The following PAMR1 variants were observed in gnomAD, a reference collection of about 807,000 sequenced individuals.
The protein encoded by PAMR1 is peptidase domain containing associated with muscle regeneration 1.
In PAMR1, 88 loss-of-function variants were observed where a neutral mutation model predicts 81.8. That is an observed-to-expected ratio of 1.08 (90% CI 0.91 to 1.28). The LOEUF (loss-of-function observed/expected upper bound fraction) is 1.28. PAMR1 is among the 50% of genes most tolerant of loss of function. PAMR1 has a pLI of 0.00. For synonymous variants in PAMR1, 336 were observed against 345.3 expected, an observed-to-expected ratio of 0.97 and a Z score of 0.30; for missense variants, 935 against 919.7, an observed-to-expected ratio of 1.02 and a Z score of -0.21.
intron 3 of PAMR1, among the ~76,000 whole-genome samples, chr11:35,477,658 C>G (rs555119623): frequency 6.6e-6 from 1 of 152,300 alleles, no homozygotes; most frequent in East Asian, 1.9e-4. Context: ...GCATGGCAAA[C>G]TCTTAGCAGG....
chr11:35,438,162 A>G (rs148620183), intron 8 of PAMR1, among the ~76,000 whole-genome samples: 1 of 152,348 alleles, frequency 6.6e-6, no homozygotes, highest in African/African-American at 2.4e-5. Context: ...GAAGCCAGAT[A>G]CTGAATTTAC....
At chr11:35,525,378 C>T (rs1851366300) in intron 1 of PAMR1, 135 bp downstream of exon 1, 2 of 674,618 alleles carry the variant, frequency 3.0e-6, no homozygotes, top group South Asian at 3.8e-5. Context: ...AGCACCACCC[C>T]CCCTCAACCC....
At chr11:35,485,506 C>T (rs1372777472) in intron 3 of PAMR1, among the ~76,000 whole-genome samples, 5 of 152,110 alleles carry the variant, frequency 3.3e-5, no homozygotes, top group Admixed American at 6.5e-5. Context: ...CTTTCCTGGG[C>T]AGAAAGATGT....
chr11:35,461,298 A>C (rs1017330051), intron 6 of PAMR1, among the ~76,000 whole-genome samples: 1 of 152,148 alleles, frequency 6.6e-6, no homozygotes, highest in African/African-American at 2.4e-5. Flanking sequence ...CCCTTTCAAC[A>C]CTGATGGGTG....
chr11:35,468,921 G>A (rs981345654), intron 5 of PAMR1, among the ~76,000 whole-genome samples: 1 of 152,082 alleles, frequency 6.6e-6, no homozygotes, highest in Non-Finnish European at 1.5e-5. Context: ...AACCTGTCTT[G>A]AGTACTTGCT....
intron 6 of PAMR1, among the ~76,000 whole-genome samples, chr11:35,443,040 T>C (rs1856210345): frequency 6.6e-6 from 1 of 152,182 alleles, no homozygotes; most frequent in Admixed American, 6.5e-5. Context: ...AGGCATTGAT[T>C]ATAATATCCA....
intron 4 of PAMR1, among the ~76,000 whole-genome samples, chr11:35,473,088 G>T (rs1341628672): frequency 6.6e-6 from 1 of 152,182 alleles, no homozygotes; most frequent in African/African-American, 2.4e-5. Context: ...ACAGAGAGCT[G>T]TGGATGGACT....
intron 3 of PAMR1, among the ~76,000 whole-genome samples, chr11:35,477,191 T>C (rs1565343824): frequency 6.6e-6 from 1 of 152,218 alleles, no homozygotes; most frequent in Non-Finnish European, 1.5e-5. Context: ...TCTCACTTAC[T>C]TGCCTACTCC....
At chr11:35,514,685 T>C (rs950051684) in intron 1 of PAMR1, among the ~76,000 whole-genome samples, 1 of 152,204 alleles carries the variant, frequency 6.6e-6, no homozygotes, top group Non-Finnish European at 1.5e-5. Flanking sequence ...AATTGAATAA[T>C]GCATCTAAAA....
chr11:35,461,123 A>G (rs1217732397), intron 6 of PAMR1, among the ~76,000 whole-genome samples: 1 of 152,186 alleles, frequency 6.6e-6, no homozygotes, highest in African/African-American at 2.4e-5. Context: ...CCCAGTTCTA[A>G]TGAATTACCT....
At chr11:35,451,454 A>C (rs1321079638) in intron 6 of PAMR1, among the ~76,000 whole-genome samples, 1 of 152,230 alleles carries the variant, frequency 6.6e-6, no homozygotes, top group Non-Finnish European at 1.5e-5. Context: ...TCTGAAATCA[A>C]ATCACATGTG....
At chr11:35,484,396 A>G (rs918352443) in intron 3 of PAMR1, among the ~76,000 whole-genome samples, 2 of 152,192 alleles carry the variant, frequency 1.3e-5, no homozygotes, top group African/African-American at 2.4e-5. Flanking sequence ...TCAGGACACA[A>G]AAGTCTGGAG....
chr11:35,442,791 T>C (rs912523909), intron 6 of PAMR1, among the ~76,000 whole-genome samples: 1 of 151,954 alleles, frequency 6.6e-6, no homozygotes, highest in Non-Finnish European at 1.5e-5. Flanking sequence ...TTAGTAGAGA[T>C]GGGGTTTCAC....
At chr11:35,478,214 C>T (rs1850317809) in intron 3 of PAMR1, among the ~76,000 whole-genome samples, 1 of 152,160 alleles carries the variant, frequency 6.6e-6, no homozygotes, top group Non-Finnish European at 1.5e-5. Flanking sequence ...CCCATTTAGG[C>T]TTCCTTGGCA....
intron 8 of PAMR1, 120 bp downstream of exon 8, chr11:35,439,507 A>G: frequency 1.2e-6 from 1 of 830,586 alleles, no homozygotes; most frequent in Non-Finnish European, 2.1e-6. Flanking sequence ...ACCAGTTAGC[A>G]CTAAATGTCC....
chr11:35,474,705 A>G lies in PAMR1; in HGVS notation c.419T>C (p.Leu140Ser). Residue 140 changes from leucine to serine, a missense_variant, in exon 4 of 11, where the codon TTG becomes TCG. Physicochemically the swap from Leu to Ser is moderately radical, Grantham distance 145 (BLOSUM62 -2). Transcript: ENST00000619888. ...QVLRAPKGQI[L>S]LESYPLNAHC... ...AGCATTTAGGGGATAGCTTTCCAAC[A>G]AAATCTGACCCTTTGGGGCTCGCAG... is the stretch of plus-strand genomic sequence containing the variant. 1 of 1,611,628 alleles carries G rather than the reference A, an allele frequency of 6.2e-7. No individual in the cohort carries two copies. Among genetic ancestry groups the G allele is most frequent in the Non-Finnish European group, 8.5e-7 (1 of 1,179,068 alleles).
At chr11:35,448,164 A>G (rs1227460116) in intron 6 of PAMR1, among the ~76,000 whole-genome samples, 4 of 151,938 alleles carry the variant, frequency 2.6e-5, no homozygotes, top group African/African-American at 9.7e-5. Flanking sequence ...GGTTCTCTGG[A>G]TTTCCTGAAT....
intron 1 of PAMR1, among the ~76,000 whole-genome samples, chr11:35,510,770 C>T (rs768075311): frequency 1.3e-5 from 2 of 152,138 alleles, no homozygotes; most frequent in Non-Finnish European, 2.9e-5. Context: ...AGTCTTTATA[C>T]GAAATTTTAA....
chr11:35,511,111 CAAAT>C (rs777301496), intron 1 of PAMR1, among the ~76,000 whole-genome samples: 25 of 152,214 alleles, frequency 1.6e-4, no homozygotes, highest in Non-Finnish European at 2.5e-4. Flanking sequence ...ATTTAGTAAA[CAAAT>C]GAATGAATGA....
Sources: gnomAD v4.1 joint callset for allele counts (sites outside exome capture counted in the v4.1 genomes callset) on GRCh38, gnomAD v4.1.1 for gene constraint, MANE v1.5 for transcripts, NCBI Gene and HGNC (gene_info 2026-07-23, HGNC 2026-07-21) for gene names.